Variants in ABCG2 observed in about 807,000 individuals in gnomAD.
The protein encoded by ABCG2 is broad substrate specificity ATP-binding cassette transporter ABCG2.
ABCG2 carries 80 observed loss-of-function variants against 73.5 expected under a neutral mutation model. The observed-to-expected ratio is 1.09, with a 90% CI of 0.91 to 1.31. ABCG2 has a LOEUF of 1.31. Ranked by LOEUF, ABCG2 falls within the 50% of genes most tolerant of loss-of-function variation. The pLI is 0.00. For synonymous variants in ABCG2, 269 were observed against 282.4 expected (o/e 0.95, Z 0.48); for missense variants, 796 against 786.2 (o/e 1.01, Z -0.15).
intron 6 of ABCG2, among the ~76,000 whole-genome samples, 173 bp from the exon 7 acceptor site, chr4:88,118,433 T>C (rs1723747856): frequency 6.6e-6 from 1 of 152,250 alleles, no homozygotes; most frequent in Admixed American, 6.5e-5. Context: ...ATTCAATGCT[T>C]TTATTAAAAC....
Position 88,139,950 on chromosome 4 carries a change from T to A in ABCG2, c.46A>T (p.Asn16Tyr). 6.2e-7 allele frequency: 1 copy of A among 1,614,144 alleles called. No individual in the cohort carries two copies. Among genetic ancestry groups the A allele is most frequent in the South Asian group, 1.1e-5 (1 of 91,074 alleles). Reference protein sequence around the residue: ...VEVFIPVSQGNTNGFPATASN... With the variant: ...VEVFIPVSQGYTNGFPATASN... ...GCTGTCGCGGGGAAGCCATTGGTGTTTCCTTGTGACACTGGGATAAAAACT... is the reference window on the plus strand; with the variant it reads ...GCTGTCGCGGGGAAGCCATTGGTGTATCCTTGTGACACTGGGATAAAAACT... Residue 16 changes from asparagine to tyrosine, a missense_variant, in exon 2 of 16, where the codon AAC (asparagine) becomes TAC (tyrosine). Asn to Tyr is a moderately radical substitution (Grantham distance 143). Transcript: ENST00000237612.
chr4:88,141,623 C>G (rs1725647762), intron 1 of ABCG2, among the ~76,000 whole-genome samples: 1 of 152,106 alleles, frequency 6.6e-6, no homozygotes, highest in African/African-American at 2.4e-5. Flanking sequence ...AAGGTTAAAT[C>G]CACTCTCTAT....
At chr4:88,170,858 G>C (rs1280060886) in intron 1 of ABCG2, among the ~76,000 whole-genome samples, 1 of 152,188 alleles carries the variant, frequency 6.6e-6, no homozygotes, top group African/African-American at 2.4e-5. Context: ...ATAATTAGCA[G>C]ATGGGATAAA....
intron 1 of ABCG2, among the ~76,000 whole-genome samples, chr4:88,168,335 A>G (rs185006202): frequency 1.1e-3 from 165 of 152,202 alleles, no homozygotes; most frequent in African/African-American, 3.9e-3. Flanking sequence ...AAAAATACAA[A>G]AATTAGCTGA....
chr4:88,126,260 A>G (rs1029331504), intron 5 of ABCG2, among the ~76,000 whole-genome samples: 5 of 152,198 alleles, frequency 3.3e-5, no homozygotes, highest in Non-Finnish European at 7.3e-5. Context: ...ACCAATAGCA[A>G]GTTCTGAAAT....
At chr4:88,122,854 G>C (rs1421887073) in intron 5 of ABCG2, among the ~76,000 whole-genome samples, 3 of 152,194 alleles carry the variant, frequency 2.0e-5, no homozygotes, top group African/African-American at 7.2e-5. Flanking sequence ...CTTGACCCCT[G>C]TGCCTCCTGA....
chr4:88,164,402 C>T (rs547634618), intron 1 of ABCG2, among the ~76,000 whole-genome samples: 18 of 152,242 alleles, frequency 1.2e-4, no homozygotes, highest in African/African-American at 3.9e-4. Flanking sequence ...CCACGTGTTG[C>T]GGGAGGGACC....
upstream of ABCG2, among the ~76,000 whole-genome samples, chr4:88,160,848 CAAAAAAAAAAA>C (rs765758097): frequency 2.7e-5 from 1 of 37,460 alleles, no homozygotes; most frequent in South Asian, 1.1e-3. Flanking sequence ...GACTCCATCT[CAAAAAAAAAAA>C]AAAAAAAAAA....
At chr4:88,165,631 T>C (rs1169621764) in intron 1 of ABCG2, among the ~76,000 whole-genome samples, 2 of 152,218 alleles carry the variant, frequency 1.3e-5, no homozygotes, top group Non-Finnish European at 2.9e-5. Context: ...ATCTCAGCAC[T>C]TTGGGAGGCC....
intron 1 of ABCG2, among the ~76,000 whole-genome samples, chr4:88,178,868 C>G (rs1416273866): frequency 6.6e-6 from 1 of 152,134 alleles, no homozygotes; most frequent in Non-Finnish European, 1.5e-5. Flanking sequence ...GGCTCCAGCA[C>G]AGCCTCAGTG....
At chr4:88,151,973 C>A (rs1257529670) in intron 1 of ABCG2, among the ~76,000 whole-genome samples, 2 of 152,156 alleles carry the variant, frequency 1.3e-5, no homozygotes, top group Non-Finnish European at 2.9e-5. Flanking sequence ...AATGTCTCAT[C>A]ATAAACACAG....
rs550761852 is a variant in ABCG2, at chr4:88,142,997, C to T, written c.-19-2983G>A. On this transcript the variant is annotated intron_variant, in intron 1 of 15. Coordinates refer to ENST00000237612, the MANE Select transcript of ABCG2 (RefSeq NM_004827.3). ...ATATAAATGGATGGCTGTGCCTGTACACAACATATACAGAATTTTTTCATC... is the reference window on the plus strand; with the variant it reads ...ATATAAATGGATGGCTGTGCCTGTATACAACATATACAGAATTTTTTCATC... Among the ~76,000 whole-genome samples the T allele has an allele frequency of 2.6e-5, 4 of 152,156 alleles. No homozygotes were observed. In the East Asian group the frequency reaches 7.7e-4, roughly 29 times the overall value.
At chr4:88,113,744 C>T (rs572699948) in intron 8 of ABCG2, among the ~76,000 whole-genome samples, 191 bp from the exon 9 acceptor site, 18 of 151,578 alleles carry the variant, frequency 1.2e-4, no homozygotes, top group South Asian at 2.1e-4. Flanking sequence ...GGGTGGATTA[C>T]GAGGTCAGGA....
chr4:88,148,615 T>G (rs1049449778), intron 1 of ABCG2, among the ~76,000 whole-genome samples: 3 of 152,174 alleles, frequency 2.0e-5, no homozygotes, highest in African/African-American at 7.2e-5. Context: ...CTATAGGAAA[T>G]TAATAACTTA....
chr4:88,178,203 A>G (rs992771520), intron 1 of ABCG2, among the ~76,000 whole-genome samples: 12 of 152,158 alleles, frequency 7.9e-5, no homozygotes, highest in African/African-American at 2.9e-4. Context: ...AAGAGTAAAG[A>G]TGACTTTGTC....
intron 1 of ABCG2, among the ~76,000 whole-genome samples, chr4:88,208,241 A>G (rs1261725865): frequency 6.6e-6 from 1 of 152,196 alleles, no homozygotes; most frequent in Non-Finnish European, 1.5e-5. Flanking sequence ...AGTATATATA[A>G]TCATTCTACT....
intron 6 of ABCG2, among the ~76,000 whole-genome samples, chr4:88,120,143 C>T (rs150853487): frequency 2.1e-4 from 32 of 152,234 alleles, no homozygotes; most frequent in African/African-American, 7.0e-4. Context: ...AGAGAGTTGG[C>T]AGCTTCCATG....
intron 1 of ABCG2, among the ~76,000 whole-genome samples, chr4:88,190,647 A>G (rs183515478): frequency 6.6e-6 from 1 of 152,306 alleles, no homozygotes; most frequent in East Asian, 1.9e-4. Flanking sequence ...TTGTGGAAAT[A>G]TTGTTTCTAA....
rs754275588 is a variant in ABCG2 at position 88,097,610 on chromosome 4, TAGTC to T, written c.1493-7_1493-4del. 568 of 1,613,532 alleles carry T rather than the reference TAGTC, an allele frequency of 3.5e-4. 1 individual carries two copies. The highest frequency in any genetic ancestry group is 4.1e-4 in the Non-Finnish European group (489 of 1,179,804). On this transcript the variant is annotated splice_polypyrimidine_tract_variant and splice_region_variant and intron_variant, in intron 12 of 15. Coordinates refer to ENST00000237612, the MANE Select transcript of ABCG2 (RefSeq NM_004827.3). ...GGCATCTGCCTTTGGCTTCAATCCT[TAGTC>T]AGAAAGAGAAGAAGTAGTTAACCCA...
Sources: gnomAD v4.1 joint callset for allele counts (sites outside exome capture counted in the v4.1 genomes callset) on GRCh38, gnomAD v4.1.1 for gene constraint, MANE v1.5 for transcripts, NCBI Gene and HGNC (gene_info 2026-07-23, HGNC 2026-07-21) for gene names.